Variants in PLA2G2C observed in about 807,000 individuals in gnomAD.
The protein encoded by PLA2G2C is putative inactive group IIC secretory phospholipase A2.
PLA2G2C carries 15 observed loss-of-function variants against 14.3 expected under a neutral mutation model. That is an observed-to-expected ratio of 1.05 (90% confidence interval 0.70 to 1.62). The LOEUF is 1.62. Ranked by LOEUF, PLA2G2C falls within the 40% of genes most tolerant of loss-of-function variation. The probability of loss-of-function intolerance (pLI) is 0.00; values close to 1 mark genes in which losing one functional copy is unlikely to be tolerated. For missense variants in PLA2G2C, 162 were observed against 173.2 expected (o/e 0.94, Z 0.36); for synonymous variants, 79 against 67.7 (o/e 1.17, Z -0.82).
chr1:20,175,031 C>T lies in PLA2G2C; in HGVS notation c.155G>A (p.Gly52Glu), dbSNP rs2018155450. ...YGCYCGLGDK[G>E]IPVDDTDRHS... ...CCTGTCAGTGTCATCCACGGGGATC[C>T]CTTTATCCCCAAGCCCACAGTAGCA... The change falls in exon 3 of 5, where the codon GGG becomes GAG. Residue 52 changes from glycine (G) to glutamate (E), a missense_variant. Physicochemically the swap from Gly to Glu is moderately conservative, Grantham distance 98 (BLOSUM62 -2). Coordinates refer to ENST00000679259, the MANE Select transcript of PLA2G2C (RefSeq NM_001367969.2). 4 of 1,613,824 alleles carry T rather than the reference C, an allele frequency of 2.5e-6. No individual in the cohort carries two copies. Among genetic ancestry groups the T allele is most frequent in the Middle Eastern group, 1.6e-4 (1 of 6,062 alleles).
chr1:20,173,088 C>T (rs956151496), intron 3 of PLA2G2C, among the ~76,000 whole-genome samples, 191 bp from the exon 4 acceptor site: 26 of 151,550 alleles, frequency 1.7e-4, no homozygotes, highest in Non-Finnish European at 3.4e-4. Flanking sequence ...GCAGGAGGAT[C>T]GCTTCAGTCC....
chr1:20,167,012 C>T (rs1280965780), intron 4 of PLA2G2C, among the ~76,000 whole-genome samples: 1 of 152,222 alleles, frequency 6.6e-6, no homozygotes, highest in Non-Finnish European at 1.5e-5. Context: ...AATGGAGAAA[C>T]TGAGGCATGA....
chr1:20,182,278 G>T (rs567884263), intron 1 of PLA2G2C, among the ~76,000 whole-genome samples: 1 of 152,284 alleles, frequency 6.6e-6, no homozygotes, highest in African/African-American at 2.4e-5. Flanking sequence ...CGCTATATAG[G>T]CATACCATTT....
chr1:20,164,545 G>C (rs1274983545), intron 4 of PLA2G2C, among the ~76,000 whole-genome samples: 1 of 152,202 alleles, frequency 6.6e-6, no homozygotes, highest in East Asian at 1.9e-4. Context: ...AGGCAGGGGC[G>C]TGGGCTGCGT....
intron 4 of PLA2G2C, among the ~76,000 whole-genome samples, chr1:20,171,648 C>T (rs927279348): frequency 3.3e-5 from 5 of 152,110 alleles, no homozygotes; most frequent in African/African-American, 9.7e-5. Context: ...CAGAGGAACT[C>T]CAAGGTGCAC....
intron 2 of PLA2G2C, 90 bp from the exon 3 acceptor site, chr1:20,175,235 G>C: frequency 2.5e-6 from 4 of 1,582,212 alleles, no homozygotes; most frequent in East Asian, 2.2e-5. Context: ...AGAGTGCTGA[G>C]CATTCGAAAT....
chr1:20,175,129 A>G lies in PLA2G2C; in HGVS notation c.57T>C (p.Ser19=). The G allele has an allele frequency of 6.2e-7, 1 of 1,613,904 alleles. No individual in the cohort carries two copies. Among genetic ancestry groups the G allele is most frequent in the Non-Finnish European group, 8.5e-7 (1 of 1,179,880 alleles). ...TGACCCTCCTCTGAAACTGCCAGAAACTGCTGTGGGTGGGGGCTGCCACCA... is the reference window on the plus strand; with the variant it reads ...TGACCCTCCTCTGAAACTGCCAGAAGCTGCTGTGGGTGGGGGCTGCCACCA... The part of the protein sequence containing the change: ...LLLFCSPTHS[S]FWQFQRRVKH... Residue 19 remains serine (S), a synonymous_variant, in exon 3 of 5, where the codon AGT becomes AGC. Transcript: ENST00000679259.
intron 4 of PLA2G2C, among the ~76,000 whole-genome samples, chr1:20,171,389 G>A (rs182450440): frequency 2.1e-4 from 32 of 152,326 alleles, no homozygotes; most frequent in African/African-American, 7.0e-4. Flanking sequence ...CAGTGGGCAG[G>A]GCAGGCCAAG....
At chr1:20,167,095 C>A (rs1231192650) in intron 4 of PLA2G2C, among the ~76,000 whole-genome samples, 2 of 152,246 alleles carry the variant, frequency 1.3e-5, no homozygotes, top group Non-Finnish European at 2.9e-5. Flanking sequence ...GAAGAGGCAG[C>A]AAGTCTGCAT....
At chr1:20,165,679 TGTGTGTGCATGCGC>T (rs967424526) in intron 4 of PLA2G2C, among the ~76,000 whole-genome samples, 9 of 152,134 alleles carry the variant, frequency 5.9e-5, no homozygotes, top group East Asian at 5.9e-4. Context: ...TGTGTGTGCA[TGTGTGTGCATGCGC>T]GTGTGTGCAT....
At chr1:20,182,863 C>T (rs567179370) in intron 1 of PLA2G2C, among the ~76,000 whole-genome samples, 25 of 152,326 alleles carry the variant, frequency 1.6e-4, no homozygotes, top group East Asian at 1.5e-3. Flanking sequence ...GCTAAGAAAC[C>T]GGGGCCCCCG....
At chr1:20,180,596 C>T (rs2018264456) in intron 1 of PLA2G2C, among the ~76,000 whole-genome samples, 1 of 152,226 alleles carries the variant, frequency 6.6e-6, no homozygotes, top group Non-Finnish European at 1.5e-5. Flanking sequence ...GCCAGTCTCC[C>T]TGCCTAGACC....
chr1:20,179,455 G>GTGTCAGCTTCTCCCTTGCA (rs2018242138), intron 1 of PLA2G2C, among the ~76,000 whole-genome samples: 1 of 146,366 alleles, frequency 6.8e-6, no homozygotes, highest in African/African-American at 2.6e-5. Flanking sequence ...CAGCTTCTCC[G>GTGTCAGCTTCTCCCTTGCA]TGTCAGCTTC....
intron 1 of PLA2G2C, among the ~76,000 whole-genome samples, chr1:20,182,491 G>C (rs1334149003): frequency 6.6e-6 from 1 of 152,136 alleles, no homozygotes; most frequent in Non-Finnish European, 1.5e-5. Context: ...TCTAGGTTTG[G>C]GTAAGCACAC....
rs111486907 is a variant in PLA2G2C, at chr1:20,166,587, C to T, written c.284-2430G>A. On this transcript the variant is annotated intron_variant, in intron 4 of 4. Transcript: ENST00000679259. ...TTGCTGTCGCCCTGGAAACACTTTT[C>T]TCACCTTCCTCAGCCACCTTCTTTC... Among the ~76,000 whole-genome samples, 372 of 152,330 alleles carry T rather than the reference C, an allele frequency of 2.4e-3. 4 individuals carry two copies. The highest frequency in any genetic ancestry group is 8.6e-3 in the African/African-American group (359 of 41,560).
At chr1:20,175,209 G>A (rs1050035750) in intron 2 of PLA2G2C, 64 bp from the exon 3 acceptor site, 3 of 1,611,796 alleles carry the variant, frequency 1.9e-6, no homozygotes, top group African/African-American at 2.7e-5. Context: ...CTGCCTTGAT[G>A]TCCCCTCCCC....
chr1:20,182,017 A>G (rs370489969), intron 1 of PLA2G2C, among the ~76,000 whole-genome samples: 11 of 152,222 alleles, frequency 7.2e-5, no homozygotes, highest in East Asian at 1.9e-4. Context: ...GGCCCCCCAC[A>G]GAATGCCAGC....
At chr1:20,165,158 T>G (rs1410121956) in intron 4 of PLA2G2C, among the ~76,000 whole-genome samples, 3 of 152,196 alleles carry the variant, frequency 2.0e-5, no homozygotes, top group Non-Finnish European at 4.4e-5. Context: ...CCAGCCTGTT[T>G]CATGTCACAG....
chr1:20,175,612 G>A (rs2018169237), intron 2 of PLA2G2C, among the ~76,000 whole-genome samples: 1 of 152,156 alleles, frequency 6.6e-6, no homozygotes, highest in African/African-American at 2.4e-5. Flanking sequence ...TAAATGACAA[G>A]TACACATGAA....
Sources: gnomAD v4.1 joint callset for allele counts (sites outside exome capture counted in the v4.1 genomes callset) on GRCh38, gnomAD v4.1.1 for gene constraint, MANE v1.5 for transcripts, NCBI Gene and HGNC (gene_info 2026-07-23, HGNC 2026-07-21) for gene names.